The following BBS9 variants were observed in gnomAD, a reference collection of about 807,000 sequenced individuals.
The protein encoded by BBS9 is Bardet-Biedl syndrome 9.
A neutral mutation model predicts 117.7 loss-of-function variants in BBS9; 89 were observed. The ratio of observed to expected loss-of-function variants is 0.76; its 90% CI spans 0.64 to 0.90. The LOEUF (loss-of-function observed/expected upper bound fraction) is 0.90, where lower values mean the gene tolerates loss of function less well. Among genes scored for constraint, BBS9 ranks in the 40% least tolerant of loss-of-function variants. The pLI is 0.00. For synonymous variants in BBS9, 379 were observed against 370.9 expected (o/e 1.02, Z -0.25); for missense variants, 982 against 1,042.2 (o/e 0.94, Z 0.80).
chr7:33,618,438 T>C (rs753267133), intron 21 of BBS9, among the ~76,000 whole-genome samples: 12 of 152,118 alleles, frequency 7.9e-5, no homozygotes, highest in Non-Finnish European at 1.8e-4. Context: ...AAATTGAGAC[T>C]ACATTAATAC....
chr7:33,405,922 T>C (rs1829880414), intron 19 of BBS9, among the ~76,000 whole-genome samples: 1 of 151,018 alleles, frequency 6.6e-6, no homozygotes, highest in Admixed American at 6.6e-5. Context: ...TTCTAGTTCT[T>C]TTAATTGTGA....
chr7:33,184,546 C>T (rs1024084147), intron 5 of BBS9, among the ~76,000 whole-genome samples: 2 of 152,188 alleles, frequency 1.3e-5, no homozygotes, highest in African/African-American at 2.4e-5. Flanking sequence ...AGAATCCTTA[C>T]TTTTTATTAA....
intron 5 of BBS9, among the ~76,000 whole-genome samples, chr7:33,220,399 C>T (rs1424095183): frequency 6.6e-6 from 1 of 152,196 alleles, no homozygotes; most frequent in African/African-American, 2.4e-5. Context: ...GAGAAGCTCT[C>T]TGAGATTGCG....
At chr7:33,349,010 A>G in intron 12 of BBS9, 58 bp from the exon 13 acceptor site, 7 of 1,198,906 alleles carry the variant, frequency 5.8e-6, no homozygotes, top group Admixed American at 1.7e-5. Flanking sequence ...TAGTTACGAT[A>G]GTCTATCAGT....
At position 33,327,192 on chromosome 7, in the gene BBS9, A is replaced by T. The variant is rs535047398; in HGVS notation, c.1017-9249A>T. 3.9e-5 allele frequency among the ~76,000 whole-genome samples: 6 copies of T among 152,286 alleles called. 1 individual carries two copies. In the South Asian group the frequency reaches 1.2e-3, roughly 32 times the overall value. On this transcript the variant is annotated intron_variant, in intron 9 of 22. Transcript: ENST00000242067. ...GGACAATTTCATTTTTTATTCTGGC[A>T]GAATAGAAAATGAAAATGAGGTGGA...
At chr7:33,133,938 G>T (rs1156872150) in intron 1 of BBS9, among the ~76,000 whole-genome samples, 1 of 152,158 alleles carries the variant, frequency 6.6e-6, no homozygotes, top group East Asian at 1.9e-4. Context: ...TGAGGGCTCT[G>T]ATTTCTTTAC....
At chr7:33,129,415 G>A, upstream of BBS9, 1 of 295,104 alleles carries the variant, frequency 3.4e-6, no homozygotes, top group Non-Finnish European at 6.2e-6. Flanking sequence ...TGGTTCACTC[G>A]AGCCCCGCCC....
chr7:33,411,392 A>G lies in BBS9; in HGVS notation c.2115+23248A>G, dbSNP rs184032663. 1.4e-4 allele frequency among the ~76,000 whole-genome samples: 22 copies of G among 152,268 alleles called. 1 individual carries two copies. The East Asian group carries it at 1.9e-3, about 13-fold the overall frequency. On this transcript the variant is annotated intron_variant, in intron 19 of 22. Transcript: ENST00000242067. Reference sequence around the variant, plus strand: ...AACACTCTTGCTTGTCCACAAACCTATTGTTAAACACACTCAATACAGATG... The same window carrying G: ...AACACTCTTGCTTGTCCACAAACCTGTTGTTAAACACACTCAATACAGATG...
At chr7:33,524,347 T>G (rs540691775) in intron 20 of BBS9, among the ~76,000 whole-genome samples, 3 of 152,358 alleles carry the variant, frequency 2.0e-5, no homozygotes, top group Admixed American at 2.0e-4. Flanking sequence ...CTTGTACCTC[T>G]GATAGTATTC....
At chr7:33,323,952 G>A (rs1017962974) in intron 9 of BBS9, among the ~76,000 whole-genome samples, 10 of 149,838 alleles carry the variant, frequency 6.7e-5, no homozygotes, top group African/African-American at 1.5e-4. Flanking sequence ...ATTCTCCTGC[G>A]TCAGCCTCTC....
intron 21 of BBS9, among the ~76,000 whole-genome samples, chr7:33,537,490 G>T (rs1162454184): frequency 6.6e-6 from 1 of 152,140 alleles, no homozygotes; most frequent in East Asian, 1.9e-4. Context: ...TCTCTCATCT[G>T]TAGCTCTGGT....
intron 1 of BBS9, among the ~76,000 whole-genome samples, chr7:33,131,478 GTATACTTCTTT>G (rs1452361861): frequency 6.6e-6 from 1 of 152,206 alleles, no homozygotes; most frequent in African/African-American, 2.4e-5. Flanking sequence ...TTCAAAAGCA[GTATACTTCTTT>G]TGAACACTAC....
intron 4 of BBS9, among the ~76,000 whole-genome samples, chr7:33,163,789 A>G (rs1438913139): frequency 6.6e-6 from 1 of 152,092 alleles, no homozygotes; most frequent in Non-Finnish European, 1.5e-5. Context: ...CAGCTCCTGG[A>G]TTCACTGATT....
At chr7:33,322,563 T>C (rs1811961346) in intron 9 of BBS9, among the ~76,000 whole-genome samples, 1 of 152,150 alleles carries the variant, frequency 6.6e-6, no homozygotes, top group South Asian at 2.1e-4. Flanking sequence ...ATCCTTTGAA[T>C]TTTTGCAATA....
chr7:33,264,462 G>T, intron 7 of BBS9, 88 bp downstream of exon 7: 3 of 807,916 alleles, frequency 3.7e-6, no homozygotes, highest in Non-Finnish European at 3.9e-6. Flanking sequence ...GGAAGAAAAT[G>T]TAAAAAAATA....
In BBS9 at chr7:33,242,247, T is replaced by C. The variant is rs1459455529; in HGVS notation, c.443-14989T>C. On this transcript the variant is annotated intron_variant, in intron 5 of 22. Coordinates refer to ENST00000242067, the MANE Select transcript of BBS9 (RefSeq NM_198428.3). ...GTTCCAGGTTTTGAGATGTGTACTT[T>C]ATTTTGCTTTCTCCTGGGCTTGAGG... 2.6e-5 allele frequency among the ~76,000 whole-genome samples: 4 copies of C among 152,164 alleles called. No homozygotes were observed. In the East Asian group the frequency reaches 7.7e-4, roughly 29 times the overall value.
intron 5 of BBS9, among the ~76,000 whole-genome samples, chr7:33,235,539 T>C (rs1313813241): frequency 1.3e-5 from 2 of 152,200 alleles, no homozygotes; most frequent in African/African-American, 4.8e-5. Context: ...GTTAGTAGTT[T>C]TGTGGCATTC....
In BBS9 at chr7:33,266,283, A is replaced by G. The variant is rs1438323178; in HGVS notation, c.702+1909A>G. Among the ~76,000 whole-genome samples the G allele has an allele frequency of 5.3e-5, 8 of 152,348 alleles. No individual in the cohort carries two copies. The South Asian group carries it at 6.2e-4, about 12-fold the overall frequency. On this transcript the variant is annotated intron_variant, in intron 7 of 22. Transcript: ENST00000242067. ...AGTCACTTTGCAGGAATGTGATACC[A>G]TGGAGCAATATCAAATCTATTGCAG... is the stretch of plus-strand genomic sequence containing the variant.
upstream of BBS9, chr7:33,129,309 G>T (rs1001763120): frequency 3.6e-6 from 2 of 549,628 alleles, no homozygotes; most frequent in African/African-American, 1.9e-5. Flanking sequence ...TGCCCCCGGA[G>T]CCCAGGCAGG....
Sources: allele counts gnomAD v4.1 joint callset (sites outside exome capture counted in the v4.1 genomes callset), GRCh38; gene constraint gnomAD v4.1.1; transcripts MANE v1.5; gene names NCBI Gene and HGNC (gene_info 2026-07-23, HGNC 2026-07-21).